The following ZFPM1 variants were observed in gnomAD, a reference collection of about 807,000 sequenced individuals.
The protein encoded by ZFPM1 is zinc finger protein ZFPM1.
In ZFPM1, 28 loss-of-function variants were observed where a neutral mutation model predicts 46.3. The ratio of observed to expected loss-of-function variants is 0.60; its 90% CI spans 0.45 to 0.83. The LOEUF is 0.83. Ranked by LOEUF, ZFPM1 falls within the 40% of genes least tolerant of loss-of-function variation. The probability of loss-of-function intolerance (pLI) is 0.00; values close to 1 mark genes in which losing one functional copy is unlikely to be tolerated. For missense variants in ZFPM1, 1,878 were observed against 1,432.4 expected (o/e 1.31, Z -5.02); for synonymous variants, 957 against 675.9 (o/e 1.42, Z -6.45).
At chr16:88,474,137 C>T (rs1405370628) in intron 1 of ZFPM1, among the ~76,000 whole-genome samples, 1 of 152,204 alleles carries the variant, frequency 6.6e-6, no homozygotes, top group Non-Finnish European at 1.5e-5. Flanking sequence ...TGAAACCAAT[C>T]TCTCCCCTAT....
chr16:88,505,322 T>TC lies in ZFPM1; in HGVS notation c.269-9061dup, dbSNP rs536646451. 3.7e-3 allele frequency among the ~76,000 whole-genome samples: 566 copies of TC among 152,218 alleles called. 1 individual carries two copies. Among genetic ancestry groups the TC allele is most frequent in the African/African-American group, 0.013 (520 of 41,528 alleles). ...GGGCCTCGGCGAGGAGGCCAGTCCC[T>TC]CCCCAGGGTCCTCTGGCTGGGTCTT... is the stretch of plus-strand genomic sequence containing the variant. On this transcript the variant is annotated intron_variant, in intron 3 of 9. Coordinates refer to ENST00000319555, the MANE Select transcript of ZFPM1 (RefSeq NM_153813.3).
At chr16:88,522,594 G>C (rs557548621) in intron 4 of ZFPM1, among the ~76,000 whole-genome samples, 2 of 152,258 alleles carry the variant, frequency 1.3e-5, no homozygotes, top group Non-Finnish European at 2.9e-5. Context: ...GCACAGATAG[G>C]GTTTCCGATG....
chr16:88,528,289 C>G (rs924648857), intron 6 of ZFPM1, 51 bp downstream of exon 6: 3 of 1,517,580 alleles, frequency 2.0e-6, no homozygotes, highest in African/African-American at 1.4e-5. Context: ...CAAGGAGGAG[C>G]AGGCAGGGCA....
In ZFPM1 at chr16:88,534,721, C is replaced by T. The variant is rs1187693974; in HGVS notation, c.2763C>T (p.Leu921=). 1.0e-6 allele frequency: 1 copy of T among 980,428 alleles called. No homozygotes were observed. The highest frequency in any genetic ancestry group is 1.1e-4 in the East Asian group (1 of 8,812). The allele number at this position is 980,428 out of a possible 1,614,324, so 60.7% of individuals were successfully genotyped here. A position where few individuals can be genotyped will look rare whatever the true frequency, so the allele number is the denominator to read the frequency against. Residue 921 remains leucine (L), a synonymous_variant, in exon 10 of 10, where the codon CTC becomes CTT. Coordinates refer to ENST00000319555, the MANE Select transcript of ZFPM1 (RefSeq NM_153813.3). ...GGTCCCGTGGCCCCCGGGACGGCCT[C>T]GGCCCGGAGCCCCAGGAGCCGCCGC... is the stretch of plus-strand genomic sequence containing the variant. ...QPGSRGPRDG[L]GPEPQEPPPG... is the part of the protein sequence containing the mutation.
At chr16:88,531,804 C>A (rs1912804645) in intron 6 of ZFPM1, among the ~76,000 whole-genome samples, 198 bp from the exon 7 acceptor site, 1 of 152,192 alleles carries the variant, frequency 6.6e-6, no homozygotes, top group African/African-American at 2.4e-5. Flanking sequence ...CCCAGGGCTC[C>A]TGGGATCTAC....
At position 88,453,669 on chromosome 16, in the gene ZFPM1, C is replaced by T; in HGVS notation, c.31C>T (p.Gln11Ter). ...CAGGCGGAAACAGAGCAACCCCCGG[C>T]AGATCAAGCGTGAGTCAAACTTTGC... MSRRKQSNPRQIKRSLGDMEA... is the reference protein window; with the variant it reads MSRRKQSNPR Residue 11 changes from glutamine (Q) to a stop codon, truncating the protein, a stop_gained, in exon 1 of 10, where the codon CAG becomes TAG. Transcript: ENST00000319555. LOFTEE classifies it high-confidence loss of function. 3 of 1,203,702 alleles carry T rather than the reference C, an allele frequency of 2.5e-6. No homozygotes were observed. Among genetic ancestry groups the T allele is most frequent in the Non-Finnish European group, 3.2e-6 (3 of 950,762 alleles). The allele number at this position is 1,203,702 out of a possible 1,614,324, so 74.6% of individuals were successfully genotyped here. A position where few individuals can be genotyped will look rare whatever the true frequency, so the allele number is the denominator to read the frequency against.
intron 2 of ZFPM1, among the ~76,000 whole-genome samples, chr16:88,488,791 G>A (rs1351766032): frequency 6.6e-6 from 1 of 152,208 alleles, no homozygotes; most frequent in African/African-American, 2.4e-5. Context: ...ATTATCAACA[G>A]CAGCTGGAAT....
intron 3 of ZFPM1, among the ~76,000 whole-genome samples, chr16:88,514,036 C>T (rs111682073): frequency 0.036 from 5,422 of 152,286 alleles, 334 homozygotes; most frequent in African/African-American, 0.12. Flanking sequence ...TTGGGGGCCC[C>T]CAGTCAGCCA....
chr16:88,477,522 G>T (rs571898445), intron 1 of ZFPM1, among the ~76,000 whole-genome samples: 1 of 152,262 alleles, frequency 6.6e-6, no homozygotes, highest in South Asian at 2.1e-4. Context: ...CAACACTTTG[G>T]GAGGCTGAGG....
intron 4 of ZFPM1, chr16:88,516,418 G>A (rs911464259): frequency 7.3e-5 from 29 of 397,868 alleles, no homozygotes; most frequent in Middle Eastern, 6.3e-4. Flanking sequence ...ATAACGTCTG[G>A]GGGCACAAGG....
chr16:88,528,470 A>G (rs1912521872), intron 6 of ZFPM1, among the ~76,000 whole-genome samples: 1 of 152,216 alleles, frequency 6.6e-6, no homozygotes, highest in Non-Finnish European at 1.5e-5. Context: ...CCAGCAGGCA[A>G]GCGGGCTTAG....
At position 88,532,648 on chromosome 16, in the gene ZFPM1, G is replaced by A. The variant is rs1307390970; in HGVS notation, c.981G>A (p.Ser327=). 11 of 1,591,362 alleles carry A rather than the reference G, an allele frequency of 6.9e-6. No individual in the cohort carries two copies. The highest frequency in any genetic ancestry group is 1.3e-5 in the African/African-American group (1 of 74,504). ...CCTTCGTGTGCCTGATCTGCCTGTC[G>A]GCCTTCACCACCAAGGCCAACTGCG... The part of the protein sequence containing the change: ...ERPFVCLICL[S]AFTTKANCER... The change falls in exon 8 of 10, where the codon TCG becomes TCA. Residue 327 remains serine, a synonymous_variant. Transcript: ENST00000319555.
At chr16:88,485,916 C>A in intron 1 of ZFPM1, 23 bp from the exon 2 acceptor site, 3 of 1,610,516 alleles carry the variant, frequency 1.9e-6, no homozygotes, top group Non-Finnish European at 2.5e-6. Context: ...TCCTCCCGAA[C>A]CCCCATCGTC....
intron 1 of ZFPM1, among the ~76,000 whole-genome samples, chr16:88,483,515 T>G (rs139392506): frequency 8.1e-5 from 12 of 148,876 alleles, no homozygotes; most frequent in Admixed American, 2.7e-4. Flanking sequence ...CAACAACCAC[T>G]GTTCCCTCCG....
rs868566485 is a variant in ZFPM1 at position 88,471,140 on chromosome 16, C to A, written c.41-14799C>A. ...GAGGAAAGCCCAGCTCCCCTGCAGC[C>A]ATGATAGATAGACCAGACTTTTCCT... On this transcript the variant is annotated intron_variant, in intron 1 of 9. Coordinates refer to ENST00000319555, the MANE Select transcript of ZFPM1 (RefSeq NM_153813.3). This position sits in a 1 kb window ranked among gnomAD's most constrained non-coding sequence, Gnocchi z 4.1. Among the ~76,000 whole-genome samples, 1 of 152,220 alleles carries A rather than the reference C, an allele frequency of 6.6e-6. No individual in the cohort carries two copies. The highest frequency in any genetic ancestry group is 1.5e-5 in the Non-Finnish European group (1 of 68,034).
At chr16:88,502,878 G>A (rs1403719321) in intron 3 of ZFPM1, among the ~76,000 whole-genome samples, 1 of 150,292 alleles carries the variant, frequency 6.7e-6, no homozygotes, top group South Asian at 2.1e-4. Context: ...CCCGTTTGTG[G>A]GTCTCTGCAC....
At chr16:88,490,434 A>G (rs1264552227) in intron 3 of ZFPM1, among the ~76,000 whole-genome samples, 7 of 152,220 alleles carry the variant, frequency 4.6e-5, no homozygotes, top group South Asian at 4.1e-4. Context: ...AGCGGCCGTA[A>G]TGACACCAGC....
chr16:88,460,942 T>TGGGGCAGGAGGCCTGGTGAG (rs1567525383), intron 1 of ZFPM1, among the ~76,000 whole-genome samples: 2 of 21,304 alleles, frequency 9.4e-5, no homozygotes, highest in Admixed American at 5.9e-4. Flanking sequence ...GGCCTGGTGA[T>TGGGGCAGGAGGCCTGGTGAG]GACCGAGGGG....
intron 4 of ZFPM1, among the ~76,000 whole-genome samples, chr16:88,515,155 C>T (rs1210408723): frequency 6.6e-6 from 1 of 152,248 alleles, no homozygotes; most frequent in East Asian, 1.9e-4. Context: ...TAAACCACGT[C>T]TCAGCTAAGA....
Sources: allele counts gnomAD v4.1 joint callset (sites outside exome capture counted in the v4.1 genomes callset), GRCh38; gene constraint gnomAD v4.1.1; non-coding constraint Gnocchi (gnomAD v3.1); transcripts MANE v1.5; gene names NCBI Gene and HGNC (gene_info 2026-07-23, HGNC 2026-07-21).